Variants in MSI2 observed in about 807,000 individuals in gnomAD.
MSI2 encodes the protein musashi RNA binding protein 2.
A neutral mutation model predicts 45.6 loss-of-function variants in MSI2; 17 were observed. The ratio of observed to expected loss-of-function variants is 0.37; its 90% confidence interval spans 0.26 to 0.56. The LOEUF (loss-of-function observed/expected upper bound fraction) is 0.56, where lower values mean the gene tolerates loss of function less well. Among genes scored for constraint, MSI2 ranks in the 20% least tolerant of loss-of-function variants. The probability of loss-of-function intolerance (pLI) is 0.77; values close to 1 mark genes in which losing one functional copy is unlikely to be tolerated. For missense variants in MSI2, 293 were observed against 444.2 expected (o/e 0.66, Z 3.06); for synonymous variants, 156 against 158.2 (o/e 0.99, Z 0.11).
chr17:57,489,583 T>C (rs1264935385), intron 6 of MSI2, among the ~76,000 whole-genome samples: 3 of 152,244 alleles, frequency 2.0e-5, no homozygotes, highest in Non-Finnish European at 4.4e-5. Context: ...GCCCAGCAGC[T>C]TTCCCAGAAC....
chr17:57,465,606 GTC>G (rs2085315814), intron 6 of MSI2, among the ~76,000 whole-genome samples: 1 of 152,180 alleles, frequency 6.6e-6, no homozygotes, highest in Non-Finnish European at 1.5e-5. Flanking sequence ...ATAGTTCTAT[GTC>G]CTTAATTCAG....
At chr17:57,425,967 CA>C (rs1425619144) in intron 6 of MSI2, among the ~76,000 whole-genome samples, 6 of 152,092 alleles carry the variant, frequency 3.9e-5, no homozygotes, top group African/African-American at 7.2e-5. Flanking sequence ...TCATATGGAA[CA>C]TTTTTTTTTA....
At chr17:57,586,994 G>A (rs757877302) in intron 7 of MSI2, among the ~76,000 whole-genome samples, 30 of 152,184 alleles carry the variant, frequency 2.0e-4, no homozygotes, top group Middle Eastern at 3.2e-3. Flanking sequence ...AGTCAGGCTT[G>A]CGTCAGCATC....
At chr17:57,517,584 G>A (rs1028646583) in intron 6 of MSI2, among the ~76,000 whole-genome samples, 1 of 152,168 alleles carries the variant, frequency 6.6e-6, no homozygotes, top group Middle Eastern at 3.2e-3. Flanking sequence ...GTGGAAAGGT[G>A]ACCTTTGGGT....
intron 8 of MSI2, among the ~76,000 whole-genome samples, chr17:57,603,945 G>C (rs1906219415): frequency 6.6e-6 from 1 of 152,266 alleles, no homozygotes; most frequent in Non-Finnish European, 1.5e-5. Flanking sequence ...AGTAGAAAGG[G>C]GGTGCCCCAA....
intron 7 of MSI2, among the ~76,000 whole-genome samples, chr17:57,572,795 A>G (rs1294914650): frequency 6.6e-6 from 1 of 152,202 alleles, no homozygotes; most frequent in Non-Finnish European, 1.5e-5. Flanking sequence ...ACATTTGGGT[A>G]GCACCTGCTT....
chr17:57,386,073 T>C (rs923499054), intron 5 of MSI2, among the ~76,000 whole-genome samples: 1 of 152,226 alleles, frequency 6.6e-6, no homozygotes, highest in African/African-American at 2.4e-5. Flanking sequence ...CCTATTTTAC[T>C]TGACCTTTTG....
chr17:57,621,998 G>C (rs1567941872), intron 9 of MSI2, among the ~76,000 whole-genome samples: 3 of 152,186 alleles, frequency 2.0e-5, no homozygotes, highest in Non-Finnish European at 1.5e-5. Flanking sequence ...AGGAGTTAGA[G>C]ACTAGCCTGG....
intron 11 of MSI2, among the ~76,000 whole-genome samples, chr17:57,666,607 C>T (rs1311794707): frequency 3.3e-5 from 5 of 152,222 alleles, no homozygotes; most frequent in African/African-American, 1.2e-4. Context: ...TAGGCTGCCT[C>T]GTAAGTCTGT....
intron 7 of MSI2, among the ~76,000 whole-genome samples, chr17:57,534,885 A>G (rs772478779): frequency 9.2e-5 from 14 of 152,218 alleles, no homozygotes; most frequent in Non-Finnish European, 1.9e-4. Context: ...ATGGTCTGGA[A>G]AACACTGGGC....
In MSI2 at chr17:57,529,782, T is replaced by A; in HGVS notation, c.454+58T>A. 2 of 1,399,214 alleles carry A rather than the reference T, an allele frequency of 1.4e-6. No individual in the cohort carries two copies. The highest frequency in any genetic ancestry group is 2.0e-6 in the Non-Finnish European group (2 of 1,002,444). The allele number at this position is 1,399,214 out of a possible 1,614,324, so 86.7% of individuals were successfully genotyped here. A position where few individuals can be genotyped will look rare whatever the true frequency, so the allele number is the denominator to read the frequency against. ...CACCCTCTCCTGGCCTCTCTGTCTG[T>A]CATCCCCAGTCCCACTGACAAAAGA... On this transcript the variant is annotated intron_variant, in intron 7 of 13. Coordinates refer to ENST00000284073, the MANE Select transcript of MSI2 (RefSeq NM_138962.4). This position sits in a 1 kb window ranked among gnomAD's most constrained non-coding sequence, Gnocchi z 5.3.
intron 5 of MSI2, among the ~76,000 whole-genome samples, chr17:57,288,167 A>T (rs1910093745): frequency 6.6e-6 from 1 of 152,202 alleles, no homozygotes; most frequent in Non-Finnish European, 1.5e-5. Context: ...TGTCATCTGT[A>T]AAATGGGGAT....
intron 5 of MSI2, among the ~76,000 whole-genome samples, chr17:57,386,234 A>T (rs1174570115): frequency 1.3e-5 from 2 of 152,156 alleles, no homozygotes; most frequent in South Asian, 2.1e-4. Flanking sequence ...ATCTTCTAAC[A>T]TCATCCTCTG....
intron 5 of MSI2, among the ~76,000 whole-genome samples, chr17:57,293,909 G>T (rs1284393506): frequency 6.9e-6 from 1 of 145,450 alleles, no homozygotes; most frequent in African/African-American, 2.5e-5. Context: ...TGCCCAGCCT[G>T]TTTTTTTTTT....
At chr17:57,658,080 C>T (rs1911734518) in intron 11 of MSI2, among the ~76,000 whole-genome samples, 2 of 152,218 alleles carry the variant, frequency 1.3e-5, no homozygotes, top group South Asian at 4.1e-4. Flanking sequence ...TGAGCAAGAT[C>T]TGATGGGGGG....
intron 6 of MSI2, among the ~76,000 whole-genome samples, chr17:57,528,205 C>T (rs960713170): frequency 6.6e-5 from 10 of 152,138 alleles, no homozygotes; most frequent in African/African-American, 1.7e-4. Flanking sequence ...TGCCCTCCCC[C>T]GGTGCGTAGC....
the MSI2 span, among the ~76,000 whole-genome samples, chr17:57,700,264 C>T: frequency 1.3e-5 from 2 of 152,100 alleles, no homozygotes; most frequent in African/African-American, 2.4e-5. Context: ...CTGAATATGC[C>T]GGCTTGTGTA....
intron 5 of MSI2, among the ~76,000 whole-genome samples, chr17:57,273,174 T>C (rs575971227): frequency 1.5e-4 from 23 of 152,228 alleles, no homozygotes; most frequent in African/African-American, 5.5e-4. Flanking sequence ...AAGAAGATAA[T>C]TGGTTTTAGT....
In MSI2 at chr17:57,287,532, G is replaced by A. The variant is rs545272777; in HGVS notation, c.312+25340G>A. Reference sequence around the variant, plus strand: ...TTGACTCTCCTGGGCTTGGTTGGCCGCTGCTGCTTTCCTGTGGTTGTTGGT... The same window carrying A: ...TTGACTCTCCTGGGCTTGGTTGGCCACTGCTGCTTTCCTGTGGTTGTTGGT... On this transcript the variant is annotated intron_variant, in intron 5 of 13. Transcript: ENST00000284073. 7.2e-5 allele frequency among the ~76,000 whole-genome samples: 11 copies of A among 152,296 alleles called. No homozygotes were observed. The South Asian group carries it at 1.7e-3, about 23-fold the overall frequency.
Sources: gnomAD v4.1 joint callset for allele counts (sites outside exome capture counted in the v4.1 genomes callset) on GRCh38, gnomAD v4.1.1 for gene constraint, Gnocchi (gnomAD v3.1) non-coding constraint, MANE v1.5 for transcripts, NCBI Gene and HGNC (gene_info 2026-07-23, HGNC 2026-07-21) for gene names.